ANKIB1: variants seen among roughly 807,000 people sequenced by gnomAD.
ANKIB1 encodes ankyrin repeat and IBR domain containing 1, also known as ankyrin repeat and IBR domain-containing protein 1.
ANKIB1 carries 43 observed loss-of-function variants against 122.1 expected under a neutral mutation model. The observed-to-expected ratio is 0.35, with a 90% CI of 0.28 to 0.45. ANKIB1 has a LOEUF of 0.45. ANKIB1 is among the 20% of genes least tolerant of loss of function. The pLI, the probability that ANKIB1 is intolerant of heterozygous loss-of-function variation, is 1.00. For missense variants in ANKIB1, 992 were observed against 1,329.5 expected (o/e 0.75, Z 3.95); for synonymous variants, 390 against 442.0 (o/e 0.88, Z 1.48).
At chr7:92,357,746 AAAAG>A (rs1397945578) in intron 9 of ANKIB1, among the ~76,000 whole-genome samples, 4 of 143,170 alleles carry the variant, frequency 2.8e-5, no homozygotes, top group Non-Finnish European at 4.4e-5. Flanking sequence ...AAAAAAAAAA[AAAAG>A]AAAAAGAAAA....
chr7:92,263,202 T>G (rs1176501306), intron 1 of ANKIB1, among the ~76,000 whole-genome samples: 1 of 152,186 alleles, frequency 6.6e-6, no homozygotes, highest in Non-Finnish European at 1.5e-5. Context: ...TCAAGCTTTA[T>G]TATTAAATAT....
chr7:92,330,966 G>A (rs1481980365), intron 5 of ANKIB1, among the ~76,000 whole-genome samples: 1 of 152,064 alleles, frequency 6.6e-6, no homozygotes, highest in African/African-American at 2.4e-5. Context: ...ATTATGTTAG[G>A]GTTCATAGCA....
intron 8 of ANKIB1, among the ~76,000 whole-genome samples, chr7:92,351,978 C>A (rs1803675628): frequency 6.6e-6 from 1 of 152,086 alleles, no homozygotes; most frequent in Admixed American, 6.6e-5. Flanking sequence ...GCCTCAGCCT[C>A]CCAAAGTGCT....
intron 9 of ANKIB1, among the ~76,000 whole-genome samples, 194 bp from the exon 10 acceptor site, chr7:92,361,991 A>G (rs904632865): frequency 2.4e-4 from 36 of 152,044 alleles, no homozygotes; most frequent in Admixed American, 1.5e-3. Flanking sequence ...TTGTATTTTT[A>G]GTAGAGACGG....
chr7:92,345,996 AC>A (rs1803531297), intron 7 of ANKIB1, among the ~76,000 whole-genome samples: 1 of 152,050 alleles, frequency 6.6e-6, no homozygotes, highest in South Asian at 2.1e-4. Context: ...CAAGCTTGAA[AC>A]CATCACCACA....
Position 92,380,796 on chromosome 7 carries a change from G to A in ANKIB1, c.1618-5713G>A, listed in dbSNP as rs147582046. 2.3e-4 allele frequency among the ~76,000 whole-genome samples: 35 copies of A among 152,284 alleles called. 1 individual carries two copies. Among genetic ancestry groups the A allele is most frequent in the African/African-American group, 7.9e-4 (33 of 41,554 alleles). On this transcript the variant is annotated intron_variant, in intron 11 of 19. Transcript: ENST00000265742. ...AAGGTAGATAACACCACAAAGATGG[G>A]GAGAAGCCAGAGCAAAAAAGCTGAA...
intron 2 of ANKIB1, among the ~76,000 whole-genome samples, chr7:92,302,823 C>T (rs1802483211): frequency 6.6e-6 from 1 of 152,146 alleles, no homozygotes; most frequent in Admixed American, 6.5e-5. Flanking sequence ...TCTCCTCTCC[C>T]AACCCCCCTT....
chr7:92,353,452 AAG>A (rs1803708187), intron 9 of ANKIB1, among the ~76,000 whole-genome samples: 1 of 152,226 alleles, frequency 6.6e-6, no homozygotes, highest in Admixed American at 6.5e-5. Flanking sequence ...AATGATAAAA[AAG>A]AAAAAAGCTA....
chr7:92,350,683 C>T (rs1000825682), intron 7 of ANKIB1, among the ~76,000 whole-genome samples: 1 of 152,092 alleles, frequency 6.6e-6, no homozygotes, highest in African/African-American at 2.4e-5. Context: ...CATAGCAAGA[C>T]CCATCGCTAG....
chr7:92,248,961 C>T (rs1328979894), intron 1 of ANKIB1, among the ~76,000 whole-genome samples: 1 of 142,024 alleles, frequency 7.0e-6, no homozygotes, highest in Non-Finnish European at 1.5e-5. Flanking sequence ...GATCTTAGCT[C>T]AGTACAACCT....
chr7:92,317,365 G>A (rs1802815675), intron 3 of ANKIB1, among the ~76,000 whole-genome samples: 1 of 152,070 alleles, frequency 6.6e-6, no homozygotes, highest in African/African-American at 2.4e-5. Context: ...AAATTCCCAG[G>A]AGATACTACT....
At chr7:92,352,716 G>A in intron 9 of ANKIB1, 74 bp downstream of exon 9, 1 of 1,444,770 alleles carries the variant, frequency 6.9e-7, no homozygotes, top group Non-Finnish European at 9.3e-7. Context: ...TGCACCTTGA[G>A]TCAGGCCTTT....
chr7:92,246,343 C>T lies in ANKIB1; in HGVS notation c.-267C>T, dbSNP rs1255808840. Reference sequence around the variant, plus strand: ...GGCCGCCAGTGCGCACCCTCGGCCACATCAGCCTCCGCCTGGCGGGTGCAC... The same window carrying T: ...GGCCGCCAGTGCGCACCCTCGGCCATATCAGCCTCCGCCTGGCGGGTGCAC... On this transcript the variant is annotated 5_prime_UTR_variant, in exon 1 of 20. Coordinates refer to ENST00000265742, the MANE Select transcript of ANKIB1 (RefSeq NM_019004.2). The T allele has an allele frequency of 2.2e-6, 1 of 444,694 alleles. No homozygotes were observed. 27.5% of individuals were successfully genotyped at this position (444,694 alleles called of 1,614,324 possible).
chr7:92,373,917 A>G (rs1489656769), intron 11 of ANKIB1, among the ~76,000 whole-genome samples: 1 of 152,228 alleles, frequency 6.6e-6, no homozygotes, highest in African/African-American at 2.4e-5. Flanking sequence ...ATTTTAAATC[A>G]TGTATAGTAT....
chr7:92,384,411 A>G (rs182795655), intron 11 of ANKIB1, among the ~76,000 whole-genome samples: 1 of 152,346 alleles, frequency 6.6e-6, no homozygotes, highest in African/African-American at 2.4e-5. Flanking sequence ...GAACCAAAAA[A>G]GATCCCACAT....
At chr7:92,377,184 G>C (rs1208103430) in intron 11 of ANKIB1, among the ~76,000 whole-genome samples, 2 of 152,038 alleles carry the variant, frequency 1.3e-5, no homozygotes, top group Non-Finnish European at 2.9e-5. Context: ...CCTTTCACTT[G>C]AACACTTAGA....
intron 9 of ANKIB1, among the ~76,000 whole-genome samples, chr7:92,353,708 G>A (rs548571487): frequency 1.7e-4 from 26 of 152,284 alleles, no homozygotes; most frequent in African/African-American, 6.3e-4. Context: ...TCTAAGTCAA[G>A]GTTCAGCAAA....
At chr7:92,386,856 A>G (rs1804664342) in intron 12 of ANKIB1, among the ~76,000 whole-genome samples, 1 of 151,714 alleles carries the variant, frequency 6.6e-6, no homozygotes, top group Non-Finnish European at 1.5e-5. Context: ...ATCTGTATGA[A>G]AAGTCTGATA....
At chr7:92,380,290 C>T (rs1043750229) in intron 11 of ANKIB1, among the ~76,000 whole-genome samples, 10 of 152,172 alleles carry the variant, frequency 6.6e-5, no homozygotes, top group Admixed American at 2.0e-4. Context: ...CTGTAGACTC[C>T]ACCTCTGGGG....
Sources: gnomAD v4.1 joint callset for allele counts (sites outside exome capture counted in the v4.1 genomes callset) on GRCh38, gnomAD v4.1.1 for gene constraint, MANE v1.5 for transcripts, NCBI Gene and HGNC (gene_info 2026-07-23, HGNC 2026-07-21) for gene names.